Variants in DENND1A observed in about 807,000 individuals in gnomAD.
The protein encoded by DENND1A is DENN domain-containing protein 1A.
DENND1A carries 51 observed loss-of-function variants against 113.7 expected under a neutral mutation model. That is an observed-to-expected ratio of 0.45 (90% CI 0.36 to 0.57). The LOEUF is 0.57. DENND1A is among the 20% of genes least tolerant of loss of function. DENND1A has a pLI of 0.00. For missense variants in DENND1A, 1,258 were observed against 1,395.9 expected (o/e 0.90, Z 1.57); for synonymous variants, 565 against 570.8 (o/e 0.99, Z 0.14).
intron 13 of DENND1A, among the ~76,000 whole-genome samples, chr9:123,489,816 C>T (rs1275437149): frequency 6.6e-6 from 1 of 152,180 alleles, no homozygotes; most frequent in African/African-American, 2.4e-5. Flanking sequence ...AAAACACGGG[C>T]TGAACAGCCA....
intron 1 of DENND1A, among the ~76,000 whole-genome samples, chr9:123,880,804 G>A (rs754427004): frequency 3.3e-5 from 5 of 152,086 alleles, no homozygotes; most frequent in Non-Finnish European, 7.4e-5. Context: ...ATTCTAGAAT[G>A]AACTGTTTCC....
intron 6 of DENND1A, among the ~76,000 whole-genome samples, chr9:123,674,094 G>C (rs2063898703): frequency 6.6e-6 from 1 of 151,984 alleles, no homozygotes. Flanking sequence ...ATCCCATGCT[G>C]AGCCTCTACC....
At chr9:123,676,688 G>A (rs769490820) in intron 6 of DENND1A, 32 bp downstream of exon 6, 4 of 1,588,786 alleles carry the variant, frequency 2.5e-6, no homozygotes, top group Admixed American at 1.7e-5. Flanking sequence ...AAGCTTATTT[G>A]TTTAAAAGAA....
chr9:123,864,533 G>T (rs1176788633), intron 2 of DENND1A, among the ~76,000 whole-genome samples: 1 of 152,140 alleles, frequency 6.6e-6, no homozygotes, highest in Admixed American at 6.5e-5. Flanking sequence ...TGGTAAATGG[G>T]GAGGAAAAGG....
chr9:123,845,881 C>A (rs779636371), intron 2 of DENND1A, among the ~76,000 whole-genome samples: 2 of 151,984 alleles, frequency 1.3e-5, no homozygotes, highest in Non-Finnish European at 2.9e-5. Context: ...TAGGACTTCA[C>A]TGAAATGAAA....
At chr9:123,508,463 T>G (rs2053161403) in intron 13 of DENND1A, among the ~76,000 whole-genome samples, 1 of 152,264 alleles carries the variant, frequency 6.6e-6, no homozygotes, top group South Asian at 2.1e-4. Flanking sequence ...TAAAATGAGC[T>G]GTTTCTGCAA....
At chr9:123,599,538 A>T (rs1215295347) in intron 11 of DENND1A, among the ~76,000 whole-genome samples, 1 of 152,134 alleles carries the variant, frequency 6.6e-6, no homozygotes, top group African/African-American at 2.4e-5. Flanking sequence ...ATTATTTCTA[A>T]TTGTCATCAC....
chr9:123,454,875 T>G, intron 15 of DENND1A, 96 bp from the exon 16 acceptor site: 142 of 975,808 alleles, frequency 1.5e-4, no homozygotes, highest in Non-Finnish European at 2.0e-4. Context: ...TGAGATGGAG[T>G]CTCACGCTGT....
chr9:123,635,652 T>TTATTTC (rs1261365510), intron 9 of DENND1A, among the ~76,000 whole-genome samples: 1 of 152,212 alleles, frequency 6.6e-6, no homozygotes, highest in African/African-American at 2.4e-5. Flanking sequence ...CAAACACAGA[T>TTATTTC]CTGATCATTT....
intron 13 of DENND1A, among the ~76,000 whole-genome samples, chr9:123,506,895 C>CA (rs1029445161): frequency 1.3e-5 from 2 of 151,980 alleles, no homozygotes; most frequent in Non-Finnish European, 1.5e-5. Flanking sequence ...TATGCTCTTT[C>CA]AAAAAAAGGC....
At chr9:123,868,463 T>A (rs931467296) in intron 2 of DENND1A, among the ~76,000 whole-genome samples, 1 of 152,220 alleles carries the variant, frequency 6.6e-6, no homozygotes, top group African/African-American at 2.4e-5. Context: ...CCATGTCCCA[T>A]GCATGGTGCA....
intron 13 of DENND1A, among the ~76,000 whole-genome samples, chr9:123,473,321 GGGGCAGGGGAGGGCGGAGGGA>G (rs1410866161): frequency 6.6e-6 from 1 of 152,198 alleles, no homozygotes; most frequent in Non-Finnish European, 1.5e-5. Flanking sequence ...TGTGCTGGGA[GGGGCAGGGGAGGGCGGAGGGA>G]GACAGGGAAC....
intron 11 of DENND1A, among the ~76,000 whole-genome samples, chr9:123,601,420 A>C (rs898907912): frequency 1.3e-5 from 2 of 152,250 alleles, no homozygotes; most frequent in Non-Finnish European, 1.5e-5. Context: ...GACAGCTTCT[A>C]AGGGAAATCT....
chr9:123,466,286 C>T (rs1275078235), intron 13 of DENND1A, among the ~76,000 whole-genome samples: 6 of 151,986 alleles, frequency 3.9e-5, no homozygotes, highest in Non-Finnish European at 5.9e-5. Flanking sequence ...CATGAGCCAC[C>T]GTGCCTGCCT....
At chr9:123,918,489 GA>G (rs138650406) in intron 1 of DENND1A, among the ~76,000 whole-genome samples, 116,131 of 138,228 alleles carry the variant, frequency 0.84, 48,270 homozygotes, top group East Asian at 0.91. Flanking sequence ...CTCCGTCTCA[GA>G]AAAAAAAAAA....
At chr9:123,431,616 G>A (rs1236324365) in intron 19 of DENND1A, among the ~76,000 whole-genome samples, 2 of 152,172 alleles carry the variant, frequency 1.3e-5, no homozygotes, top group Non-Finnish European at 2.9e-5. Flanking sequence ...TTCTCTGTGA[G>A]CCTGTCTCCT....
At chr9:123,698,494 G>A (rs2065666683) in intron 5 of DENND1A, among the ~76,000 whole-genome samples, 1 of 152,194 alleles carries the variant, frequency 6.6e-6, no homozygotes, top group Non-Finnish European at 1.5e-5. Context: ...TGGAGACAAA[G>A]CTCTAACTTA....
intron 4 of DENND1A, among the ~76,000 whole-genome samples, chr9:123,766,398 A>G (rs917960441): frequency 6.6e-6 from 1 of 152,172 alleles, no homozygotes; most frequent in African/African-American, 2.4e-5. Context: ...ACCCAACACA[A>G]TGCTCTACAT....
intron 3 of DENND1A, among the ~76,000 whole-genome samples, chr9:123,786,556 G>A (rs1321769139): frequency 6.6e-6 from 1 of 152,186 alleles, no homozygotes; most frequent in Non-Finnish European, 1.5e-5. Flanking sequence ...TACGTTGTCT[G>A]GCTCAAAGTC....
Sources: allele counts gnomAD v4.1 joint callset (sites outside exome capture counted in the v4.1 genomes callset), GRCh38; gene constraint gnomAD v4.1.1; transcripts MANE v1.5; gene names NCBI Gene and HGNC (gene_info 2026-07-23, HGNC 2026-07-21).